The following ALPL variants were observed in gnomAD, a reference collection of about 807,000 sequenced individuals.
ALPL encodes the protein alkaline phosphatase, biomineralization associated, also known as alkaline phosphatase, tissue-nonspecific isozyme.
In ALPL, 42 loss-of-function variants were observed where a neutral mutation model predicts 51.3. The ratio of observed to expected loss-of-function variants is 0.82; its 90% CI spans 0.64 to 1.06. ALPL has a LOEUF of 1.06. Among genes scored for constraint, ALPL ranks in the 50% least tolerant of loss-of-function variants. The pLI is 0.00. For synonymous variants in ALPL, 279 were observed against 296.4 expected (o/e 0.94, Z 0.60); for missense variants, 589 against 709.4 (o/e 0.83, Z 1.93).
At chr1:21,527,421 A>G (rs1246890556) in intron 1 of ALPL, among the ~76,000 whole-genome samples, 1 of 152,170 alleles carries the variant, frequency 6.6e-6, no homozygotes. Context: ...CTTGAATACA[A>G]TCTGTGGAAT....
Position 21,538,485 on chromosome 1 carries a change from G to A in ALPL, c.-104-15493G>A, listed in dbSNP as rs1558535741. 2.6e-5 allele frequency among the ~76,000 whole-genome samples: 4 copies of A among 152,296 alleles called. No individual in the cohort carries two copies. The South Asian group carries it at 6.2e-4, about 24-fold the overall frequency. On this transcript the variant is annotated intron_variant, in intron 1 of 11. Coordinates refer to ENST00000374840, the MANE Select transcript of ALPL (RefSeq NM_000478.6). The stretch of plus-strand genomic sequence containing the variant: ...TCCTCCTCTGATCTGAGCCCTCTGC[G>A]CCCGCCACCCAGGGATTCGGCTTGT...
chr1:21,554,208 T>C, intron 2 of ALPL, 66 bp downstream of exon 2: 3 of 1,514,262 alleles, frequency 2.0e-6, no homozygotes, highest in Non-Finnish European at 2.8e-6. Flanking sequence ...GAGGGCAGTG[T>C]CTATGTTTTA....
intron 1 of ALPL, among the ~76,000 whole-genome samples, chr1:21,518,446 G>A (rs900539600): frequency 3.9e-5 from 6 of 152,144 alleles, no homozygotes; most frequent in African/African-American, 7.2e-5. Flanking sequence ...TGCCCAGCTG[G>A]TAAGTGTCGG....
At chr1:21,546,238 G>A (rs1181648720) in intron 1 of ALPL, among the ~76,000 whole-genome samples, 1 of 152,214 alleles carries the variant, frequency 6.6e-6, no homozygotes, top group African/African-American at 2.4e-5. Context: ...GCGTAATGGA[G>A]TAACGAGATT....
intron 1 of ALPL, among the ~76,000 whole-genome samples, chr1:21,543,962 G>A (rs1036280268): frequency 6.6e-6 from 1 of 152,198 alleles, no homozygotes; most frequent in Non-Finnish European, 1.5e-5. Context: ...GAAGGCCCCC[G>A]GCTGAGCTGA....
At chr1:21,533,935 A>AAAGAAGAAG (rs58697375) in intron 1 of ALPL, among the ~76,000 whole-genome samples, 6 of 100,486 alleles carry the variant, frequency 6.0e-5, no homozygotes, top group East Asian at 1.4e-3. Context: ...AAAAAAAAAA[A>AAAGAAGAAG]AAGAAGAAGA....
At chr1:21,565,050 C>T (rs1482440486) in intron 6 of ALPL, among the ~76,000 whole-genome samples, 1 of 152,116 alleles carries the variant, frequency 6.6e-6, no homozygotes, top group African/African-American at 2.4e-5. Context: ...GGACTTCTGC[C>T]CCTTGAGCCT....
chr1:21,519,335 G>T (rs1347395229), intron 1 of ALPL, among the ~76,000 whole-genome samples: 2 of 152,228 alleles, frequency 1.3e-5, no homozygotes, highest in Non-Finnish European at 2.9e-5. Context: ...CGCAGGCTCA[G>T]TGCGGGGCCC....
intron 1 of ALPL, among the ~76,000 whole-genome samples, chr1:21,550,492 T>G (rs1167646442): frequency 6.6e-6 from 1 of 152,222 alleles, no homozygotes. Context: ...GTGCAGCACA[T>G]AGACTTGCTT....
At position 21,568,212 on chromosome 1, in the gene ALPL, G is replaced by A. The variant is rs151270365; in HGVS notation, c.757G>A (p.Val253Ile). The A allele has an allele frequency of 2.4e-5, 39 of 1,614,026 alleles. No individual in the cohort carries two copies. Among genetic ancestry groups the A allele is most frequent in the African/African-American group, 1.3e-4 (10 of 75,004 alleles). ...RGTRLDGLDL[V>I]DTWKSFKPRY... ...CACGAGGCTGGACGGCCTGGACCTC[G>A]TTGACACCTGGAAGAGCTTCAAACC... Residue 253 changes from valine (V) to isoleucine (I), a missense_variant, in exon 7 of 12, where the codon GTT (valine) becomes ATT (isoleucine). Coordinates refer to ENST00000374840, the MANE Select transcript of ALPL (RefSeq NM_000478.6).
At chr1:21,567,896 C>T (rs1486003713) in intron 6 of ALPL, among the ~76,000 whole-genome samples, 2 of 152,088 alleles carry the variant, frequency 1.3e-5, no homozygotes, top group African/African-American at 2.4e-5. Flanking sequence ...TCCCTAGAAG[C>T]GCCAAACCAC....
chr1:21,558,142 C>A (rs953674515), intron 2 of ALPL, among the ~76,000 whole-genome samples: 4 of 152,222 alleles, frequency 2.6e-5, no homozygotes, highest in African/African-American at 7.2e-5. Context: ...GGGACAGGCC[C>A]TGGGTGGCTC....
intron 5 of ALPL, 75 bp downstream of exon 5, chr1:21,563,359 T>C: frequency 6.6e-7 from 1 of 1,510,878 alleles, no homozygotes; most frequent in Non-Finnish European, 8.9e-7. Flanking sequence ...GACTGTGTCA[T>C]GGGAAGGGGC....
At chr1:21,558,114 G>C (rs1396328532) in intron 2 of ALPL, among the ~76,000 whole-genome samples, 2 of 152,248 alleles carry the variant, frequency 1.3e-5, no homozygotes, top group Non-Finnish European at 2.9e-5. Flanking sequence ...GCTTAAACCA[G>C]ACTCCAAACC....
At chr1:21,558,485 C>T (rs1230517324) in intron 2 of ALPL, among the ~76,000 whole-genome samples, 1 of 152,236 alleles carries the variant, frequency 6.6e-6, no homozygotes, top group Admixed American at 6.5e-5. Flanking sequence ...AACCTCTGGC[C>T]CCGGCCTTGC....
rs547130771 is a variant in ALPL, at chr1:21,518,099, C to G, written c.-105+8582C>G. Among the ~76,000 whole-genome samples the G allele has an allele frequency of 2.0e-5, 3 of 152,062 alleles. No individual in the cohort carries two copies. In the East Asian group the frequency reaches 5.8e-4, roughly 30 times the overall value. ...TAAGCTAGACTGTACCAGGGCCCAC[C>G]CCAGGTGTGGGGTAGGAACCTTTTA... On this transcript the variant is annotated intron_variant, in intron 1 of 11. Coordinates refer to ENST00000374840, the MANE Select transcript of ALPL (RefSeq NM_000478.6).
Position 21,577,621 on chromosome 1 carries a change from C to T in ALPL, c.1548C>T (p.Ala516=), listed in dbSNP as rs922167498. The part of the protein sequence containing the change: ...LAAGPLLLAL[A]LYPLSVLF ...CAGGCCCCCTGCTGCTCGCGCTGGC[C>T]CTCTACCCCCTGAGCGTCCTGTTCT... is the stretch of plus-strand genomic sequence containing the variant. Residue 516 remains alanine, a synonymous_variant, in exon 12 of 12, where the codon GCC becomes GCT. Coordinates refer to ENST00000374840, the MANE Select transcript of ALPL (RefSeq NM_000478.6). 1 of 1,599,166 alleles carries T rather than the reference C, an allele frequency of 6.3e-7. No individual in the cohort carries two copies. The highest frequency in any genetic ancestry group is 1.1e-5 in the South Asian group (1 of 90,856).
intron 1 of ALPL, among the ~76,000 whole-genome samples, chr1:21,516,279 C>T (rs548542487): frequency 1.9e-4 from 29 of 152,256 alleles, no homozygotes; most frequent in African/African-American, 6.5e-4. Flanking sequence ...CTAACTGACC[C>T]GTCTGCCGCC....
At chr1:21,522,785 G>T (rs979302162) in intron 1 of ALPL, among the ~76,000 whole-genome samples, 1 of 152,248 alleles carries the variant, frequency 6.6e-6, no homozygotes, top group Non-Finnish European at 1.5e-5. Context: ...CCCCGAATCT[G>T]CTGGAGGAAA....
Sources: allele counts gnomAD v4.1 joint callset (sites outside exome capture counted in the v4.1 genomes callset), GRCh38; gene constraint gnomAD v4.1.1; transcripts MANE v1.5; gene names NCBI Gene and HGNC (gene_info 2026-07-23, HGNC 2026-07-21).